Variants in EML4 observed in about 807,000 individuals in gnomAD.
EML4 encodes echinoderm microtubule-associated protein-like 4.
Under a neutral mutation model 129.0 loss-of-function variants are expected in EML4, and 72 were observed. That is an observed-to-expected ratio of 0.56 (90% CI 0.46 to 0.68). The LOEUF (loss-of-function observed/expected upper bound fraction) is 0.68. Ranked by LOEUF, EML4 falls within the 30% of genes least tolerant of loss-of-function variation. The probability of loss-of-function intolerance (pLI) is 0.00; values close to 1 mark genes in which losing one functional copy is unlikely to be tolerated. For missense variants in EML4, 1,363 were observed against 1,190.6 expected (o/e 1.14, Z -2.13); for synonymous variants, 532 against 405.0 (o/e 1.31, Z -3.77).
intron 6 of EML4, among the ~76,000 whole-genome samples, chr2:42,278,289 G>T (rs528071695): frequency 6.6e-6 from 1 of 152,150 alleles, no homozygotes; most frequent in East Asian, 1.9e-4. Context: ...AGAAACAATT[G>T]CGGCCGCATG....
chr2:42,329,054 T>G, intron 22 of EML4, 38 bp downstream of exon 22: 1 of 1,589,870 alleles, frequency 6.3e-7, no homozygotes, highest in Non-Finnish European at 8.6e-7. Context: ...TTATAAGGCC[T>G]TCTGTCCAGG....
intron 17 of EML4, among the ~76,000 whole-genome samples, chr2:42,304,869 A>T (rs563759211): frequency 6.6e-6 from 1 of 152,326 alleles, no homozygotes; most frequent in South Asian, 2.1e-4. Flanking sequence ...CAGTAATCCC[A>T]GCACTTTGGG....
intron 11 of EML4, chr2:42,288,663 G>A (rs185251070): frequency 3.8e-4 from 60 of 156,650 alleles, no homozygotes; most frequent in Non-Finnish European, 5.9e-4. Context: ...CATCTTTAAA[G>A]CTTTAGAAAT....
intron 2 of EML4, among the ~76,000 whole-genome samples, chr2:42,248,456 A>G (rs1283386645): frequency 1.3e-5 from 2 of 152,210 alleles, no homozygotes; most frequent in Admixed American, 6.5e-5. Context: ...CATGAAATAT[A>G]AATACAGTTA....
chr2:42,200,962 A>G (rs906586794), intron 1 of EML4, among the ~76,000 whole-genome samples: 1 of 152,188 alleles, frequency 6.6e-6, no homozygotes, highest in Non-Finnish European at 1.5e-5. Context: ...TATTCTCCTA[A>G]GGATGACCCT....
intron 17 of EML4, among the ~76,000 whole-genome samples, chr2:42,313,302 C>G (rs1482246645): frequency 6.6e-6 from 1 of 152,172 alleles, no homozygotes; most frequent in Non-Finnish European, 1.5e-5. Context: ...TCTCATATCA[C>G]CCTTAAATGT....
intron 13 of EML4, among the ~76,000 whole-genome samples, chr2:42,298,576 T>G (rs1477366483): frequency 6.6e-6 from 1 of 152,196 alleles, no homozygotes; most frequent in East Asian, 1.9e-4. Context: ...AACACTAAAT[T>G]TTTTAAGCTA....
intron 1 of EML4, among the ~76,000 whole-genome samples, chr2:42,201,422 A>G (rs1558496863): frequency 6.6e-6 from 1 of 152,244 alleles, no homozygotes; most frequent in Non-Finnish European, 1.5e-5. Flanking sequence ...TGATTTAGGA[A>G]GTTGAACATA....
At chr2:42,231,357 A>G (rs1169894983) in intron 1 of EML4, among the ~76,000 whole-genome samples, 1 of 152,194 alleles carries the variant, frequency 6.6e-6, no homozygotes, top group African/African-American at 2.4e-5. Context: ...TCCAGTTATC[A>G]GATATGTCCT....
intron 14 of EML4, among the ~76,000 whole-genome samples, chr2:42,302,627 G>T (rs991176493): frequency 6.6e-6 from 1 of 151,284 alleles, no homozygotes; most frequent in African/African-American, 2.4e-5. Flanking sequence ...TCTGCCTCCC[G>T]GATTCAAGCA....
At chr2:42,183,039 C>A (rs1648861862) in intron 1 of EML4, among the ~76,000 whole-genome samples, 2 of 152,134 alleles carry the variant, frequency 1.3e-5, no homozygotes, top group Admixed American at 6.5e-5. Flanking sequence ...TCCTGTGATA[C>A]CAGGTATCAG....
chr2:42,250,733 C>G (rs1339807167), intron 2 of EML4, among the ~76,000 whole-genome samples: 1 of 151,476 alleles, frequency 6.6e-6, no homozygotes, highest in African/African-American at 2.4e-5. Context: ...GTTCTTCAGA[C>G]TGGGGTGGGT....
intron 1 of EML4, among the ~76,000 whole-genome samples, chr2:42,242,605 C>T (rs776137250): frequency 3.3e-5 from 5 of 152,074 alleles, no homozygotes; most frequent in African/African-American, 7.2e-5. Flanking sequence ...ACTACTACTC[C>T]TGTGGTAGTA....
At chr2:42,239,809 A>G (rs187392325) in intron 1 of EML4, among the ~76,000 whole-genome samples, 14 of 152,306 alleles carry the variant, frequency 9.2e-5, no homozygotes, top group Admixed American at 9.1e-4. Context: ...AATCTACTTG[A>G]TCAAGAAAAG....
chr2:42,208,136 G>A (rs1017617652), intron 1 of EML4: 5 of 152,032 alleles, frequency 3.3e-5, no homozygotes, highest in African/African-American at 9.7e-5. Context: ...GCATTTATTC[G>A]TTTATTCTTC....
At chr2:42,192,296 G>T (rs1234927899) in intron 1 of EML4, among the ~76,000 whole-genome samples, 1 of 150,872 alleles carries the variant, frequency 6.6e-6, no homozygotes, top group Admixed American at 6.6e-5. Flanking sequence ...GAGTACAGTG[G>T]CACAATCTTG....
intron 1 of EML4, among the ~76,000 whole-genome samples, chr2:42,218,589 A>C (rs1673353113): frequency 6.6e-6 from 1 of 152,088 alleles, no homozygotes; most frequent in Admixed American, 6.5e-5. Flanking sequence ...GATCTTCCTG[A>C]GCCTGTCTGA....
intron 17 of EML4, among the ~76,000 whole-genome samples, chr2:42,313,894 C>T (rs1669095419): frequency 6.6e-6 from 1 of 151,330 alleles, no homozygotes; most frequent in South Asian, 2.1e-4. Context: ...TGCCACACCA[C>T]TCCATCCACT....
intron 4 of EML4, among the ~76,000 whole-genome samples, chr2:42,262,906 AT>A (rs1230186404): frequency 6.6e-6 from 1 of 152,122 alleles, no homozygotes; most frequent in East Asian, 1.9e-4. Context: ...TAAGGAAATA[AT>A]TTTTTTCTGT....
Sources: allele counts gnomAD v4.1 joint callset (sites outside exome capture counted in the v4.1 genomes callset), GRCh38; gene constraint gnomAD v4.1.1; transcripts MANE v1.5; gene names NCBI Gene and HGNC (gene_info 2026-07-23, HGNC 2026-07-21).